CKAP5: variants seen among roughly 807,000 people sequenced by gnomAD.
CKAP5 encodes the protein cytoskeleton associated protein 5, also known as cytoskeleton-associated protein 5.
A neutral mutation model predicts 232.8 loss-of-function variants in CKAP5; 27 were observed. That is an observed-to-expected ratio of 0.12 (90% CI 0.09 to 0.16). The LOEUF (loss-of-function observed/expected upper bound fraction) is 0.16, where lower values mean the gene tolerates loss of function less well. Among genes scored for constraint, CKAP5 ranks in the 10% least tolerant of loss-of-function variants. The probability of loss-of-function intolerance (pLI) is 1.00; values close to 1 mark genes in which losing one functional copy is unlikely to be tolerated. For missense variants in CKAP5, 1,838 were observed against 2,424.7 expected, an observed-to-expected ratio of 0.76 and a Z score of 5.08; for synonymous variants, 785 against 841.1, an observed-to-expected ratio of 0.93 and a Z score of 1.16.
intron 42 of CKAP5, among the ~76,000 whole-genome samples, chr11:46,747,312 A>G (rs536882613): frequency 2.2e-4 from 33 of 152,258 alleles, no homozygotes; most frequent in African/African-American, 7.5e-4. Flanking sequence ...GTTTTAAACA[A>G]TAAGGTTTTA....
intron 7 of CKAP5, among the ~76,000 whole-genome samples, 198 bp from the exon 8 acceptor site, chr11:46,808,342 C>T (rs1354899860): frequency 6.6e-6 from 1 of 152,130 alleles, no homozygotes; most frequent in African/African-American, 2.4e-5. Flanking sequence ...GAGATCGAGA[C>T]CATCCTGACT....
intron 1 of CKAP5, among the ~76,000 whole-genome samples, chr11:46,843,539 T>C (rs761366208): frequency 2.0e-5 from 3 of 152,004 alleles, no homozygotes; most frequent in Non-Finnish European, 4.4e-5. Context: ...GAGACCAGCC[T>C]GGGCAACAAG....
intron 17 of CKAP5, among the ~76,000 whole-genome samples, chr11:46,783,826 C>T (rs1266476417): frequency 6.6e-6 from 1 of 151,930 alleles, no homozygotes; most frequent in East Asian, 2.0e-4. Flanking sequence ...CTGCCTCAGC[C>T]TCCCTAGTAG....
chr11:46,838,085 T>C (rs1320445596), intron 1 of CKAP5, among the ~76,000 whole-genome samples: 1 of 152,196 alleles, frequency 6.6e-6, no homozygotes, highest in Non-Finnish European at 1.5e-5. Flanking sequence ...ACCCTTGATA[T>C]GATGTGATGA....
chr11:46,808,466 G>A (rs953546552), intron 7 of CKAP5, among the ~76,000 whole-genome samples: 10 of 152,098 alleles, frequency 6.6e-5, no homozygotes, highest in African/African-American at 1.9e-4. Context: ...GCATGAACCC[G>A]GGAGGCGGAG....
intron 1 of CKAP5, among the ~76,000 whole-genome samples, chr11:46,835,475 T>C (rs181267636): frequency 5.6e-4 from 84 of 148,994 alleles, no homozygotes; most frequent in African/African-American, 1.8e-3. Flanking sequence ...AAGAAAGTGT[T>C]CAAAAAGAAA....
intron 9 of CKAP5, among the ~76,000 whole-genome samples, chr11:46,800,362 T>C (rs1938999232): frequency 6.6e-6 from 1 of 152,152 alleles, no homozygotes; most frequent in South Asian, 2.1e-4. Context: ...ATACCATAGC[T>C]CATGTGAGGC....
chr11:46,743,903 T>A lies in CKAP5; in HGVS notation c.*120A>T. 1 of 1,267,792 alleles carries A rather than the reference T, an allele frequency of 7.9e-7. No individual in the cohort carries two copies. Among genetic ancestry groups the A allele is most frequent in the Non-Finnish European group, 1.1e-6 (1 of 896,624 alleles). The allele number at this position is 1,267,792 out of a possible 1,614,324, so 78.5% of individuals were successfully genotyped here. A position where few individuals can be genotyped will look rare whatever the true frequency, so the allele number is the denominator to read the frequency against. ...TGCCACAATGACTCCTCCCCCTAGC[T>A]CCACGGCATGATACATACAACCAGT... On this transcript the variant is annotated 3_prime_UTR_variant, in exon 44 of 44. Coordinates refer to ENST00000529230, the MANE Select transcript of CKAP5 (RefSeq NM_001008938.4).
intron 8 of CKAP5, among the ~76,000 whole-genome samples, chr11:46,806,020 T>C (rs1182520527): frequency 1.3e-5 from 2 of 152,258 alleles, no homozygotes; most frequent in Admixed American, 1.3e-4. Flanking sequence ...GGTTAATTTT[T>C]ACAACTGAAG....
chr11:46,770,974 G>T lies in CKAP5; in HGVS notation c.3000C>A (p.Gly1000=), dbSNP rs1363309319. The T allele has an allele frequency of 1.9e-6, 3 of 1,610,944 alleles. No homozygotes were observed. The South Asian group carries it at 3.3e-5, about 18-fold the overall frequency. Reference sequence around the variant, plus strand: ...GAGTAGGTAGTTTCTCAGCCAGCCAGCCCAGAAGCTGCCAAAAGAAATAAA... The same window carrying T: ...GAGTAGGTAGTTTCTCAGCCAGCCATCCCAGAAGCTGCCAAAAGAAATAAA... ...ENPFLRQELL[G]WLAEKLPTLR... Residue 1000 remains glycine (G), a synonymous_variant, in exon 25 of 44, where the codon GGC becomes GGA. Coordinates refer to ENST00000529230, the MANE Select transcript of CKAP5 (RefSeq NM_001008938.4).
chr11:46,823,987 A>G (rs1383000392), intron 1 of CKAP5, among the ~76,000 whole-genome samples: 2 of 152,212 alleles, frequency 1.3e-5, no homozygotes, highest in Non-Finnish European at 1.5e-5. Flanking sequence ...CATGGTGCAA[A>G]GTACTTTTTA....
chr11:46,841,160 C>A (rs1317083723), intron 1 of CKAP5, among the ~76,000 whole-genome samples: 2 of 151,902 alleles, frequency 1.3e-5, no homozygotes, highest in Admixed American at 6.6e-5. Flanking sequence ...ATCCCAGCTA[C>A]TCGGGAGGCT....
At chr11:46,844,087 T>C (rs1444513176) in intron 1 of CKAP5, among the ~76,000 whole-genome samples, 1 of 152,074 alleles carries the variant, frequency 6.6e-6, no homozygotes, top group Non-Finnish European at 1.5e-5. Flanking sequence ...CTGGGCATTG[T>C]GGTGCACACA....
intron 22 of CKAP5, 103 bp from the exon 23 acceptor site, chr11:46,777,655 G>T: frequency 1.4e-6 from 1 of 710,850 alleles, no homozygotes; most frequent in Non-Finnish European, 2.4e-6. Context: ...GAGATTTTTG[G>T]CCTACTCAAG....
rs111903769 is a variant in CKAP5 at position 46,786,338 on chromosome 11, G to A, written c.1969-1665C>T. 8.9e-3 allele frequency among the ~76,000 whole-genome samples: 1,350 copies of A among 152,296 alleles called. 20 individuals are homozygous for A. The highest frequency in any genetic ancestry group is 0.03 in the African/African-American group (1,253 of 41,552). On this transcript the variant is annotated intron_variant, in intron 16 of 43. Coordinates refer to ENST00000529230, the MANE Select transcript of CKAP5 (RefSeq NM_001008938.4). ...ACCATGGCAACTATGAAAACCTAGA[G>A]CTGTGCAGCCACTGGCAGGTGGGGG...
rs539018484 is a variant in CKAP5, at chr11:46,774,779, T to C, written c.2991+1476A>G. Among the ~76,000 whole-genome samples the C allele has an allele frequency of 5.9e-5, 9 of 152,204 alleles. No homozygotes were observed. The East Asian group carries it at 1.7e-3, about 29-fold the overall frequency. On this transcript the variant is annotated intron_variant, in intron 24 of 43. Transcript: ENST00000529230. ...TAATAAATGGTATTGGGAAAACTGGTTAGCCATATGCAGAAAACTGAACTG... is the reference window on the plus strand; with the variant it reads ...TAATAAATGGTATTGGGAAAACTGGCTAGCCATATGCAGAAAACTGAACTG...
In CKAP5 at chr11:46,795,667, G is replaced by C; in HGVS notation, c.1577C>G (p.Ala526Gly). Reference sequence around the variant, plus strand: ...GTCCTTTGTGTCCTTATCTCCTGCAGCCCCTGAAGCAGCAGTCCTTCCAGG... The same window carrying C: ...GTCCTTTGTGTCCTTATCTCCTGCACCCCCTGAAGCAGCAGTCCTTCCAGG... ...PLPGRTAASG[A>G]AGDKDTKDIS... The change falls in exon 13 of 44, where the codon GCT becomes GGT. Residue 526 changes from alanine (A) to glycine (G), a missense_variant. Ala to Gly is a moderately conservative substitution (Grantham distance 60). This residue lies in a region of CKAP5 where 767 missense variants were observed against 954.6 expected (regional missense o/e 0.80). Coordinates refer to ENST00000529230, the MANE Select transcript of CKAP5 (RefSeq NM_001008938.4). 1 of 1,614,088 alleles carries C rather than the reference G, an allele frequency of 6.2e-7. No individual in the cohort carries two copies. Among genetic ancestry groups the C allele is most frequent in the Non-Finnish European group, 8.5e-7 (1 of 1,180,008 alleles).
rs1394583529 is a variant in CKAP5 at position 46,816,349 on chromosome 11, C to T, written c.307G>A (p.Ala103Thr). ...TCTATGCCCAGCTCCTTGGCTTTAG[C>T]TTTAGGTTGATTGAACACCTTACTT... is the stretch of plus-strand genomic sequence containing the variant. ...VVSKVFNQPK[A>T]KAKELGIEIC... The change falls in exon 4 of 44, where the codon GCT (alanine) becomes ACT (threonine). Residue 103 changes from alanine (A) to threonine (T), a missense_variant. By Grantham distance (58) the Ala-to-Thr change is moderately conservative. Transcript: ENST00000529230. 1 of 1,614,056 alleles carries T rather than the reference C, an allele frequency of 6.2e-7. No individual in the cohort carries two copies.
Position 46,793,105 on chromosome 11 carries a change from G to A in CKAP5, c.1650+2489C>T, listed in dbSNP as rs367775738. Reference sequence around the variant, plus strand: ...CTTTAAAAGCTTACAATATGGTGTGGGGATACAGTAAACAAAACAATCAAA... The same window carrying A: ...CTTTAAAAGCTTACAATATGGTGTGAGGATACAGTAAACAAAACAATCAAA... On this transcript the variant is annotated intron_variant, in intron 13 of 43. Transcript: ENST00000529230. 2.6e-5 allele frequency among the ~76,000 whole-genome samples: 4 copies of A among 152,216 alleles called. No homozygotes were observed. The South Asian group carries it at 6.2e-4, about 24-fold the overall frequency.
Sources: gnomAD v4.1 joint callset for allele counts (sites outside exome capture counted in the v4.1 genomes callset) on GRCh38, gnomAD v4.1.1 for gene constraint, gnomAD v4.1.1 regional missense constraint, MANE v1.5 for transcripts, NCBI Gene and HGNC (gene_info 2026-07-23, HGNC 2026-07-21) for gene names.